The following NAP1L4 variants were observed in gnomAD, a reference collection of about 807,000 sequenced individuals.
NAP1L4 encodes nucleosome assembly protein 1 like 4.
NAP1L4 carries 15 observed loss-of-function variants against 58.2 expected under a neutral mutation model. That is an observed-to-expected ratio of 0.26 (90% CI 0.17 to 0.40). NAP1L4 has a LOEUF of 0.40. Among genes scored for constraint, NAP1L4 ranks in the 10% least tolerant of loss-of-function variants. The pLI is 1.00. For synonymous variants in NAP1L4, 171 were observed against 155.6 expected, an observed-to-expected ratio of 1.10 and a Z score of -0.74; for missense variants, 384 against 451.1, an observed-to-expected ratio of 0.85 and a Z score of 1.35.
At position 2,951,688 on chromosome 11, in the gene NAP1L4, A is replaced by C; in HGVS notation, c.1065+92T>G. On this transcript the variant is annotated intron_variant, in intron 13 of 15. Coordinates refer to ENST00000380542, the MANE Select transcript of NAP1L4 (RefSeq NM_005969.4). This position sits in a 1 kb window ranked among gnomAD's most constrained non-coding sequence, Gnocchi z 4.0. ...GACAGCGTCACAAAAAATGGGTTTA[A>C]CACAGCCCTGTGAGTCCATAACCTT... 7.4e-7 allele frequency: 1 copy of C among 1,359,928 alleles called. No individual in the cohort carries two copies. Among genetic ancestry groups the C allele is most frequent in the Non-Finnish European group, 1.0e-6 (1 of 956,470 alleles). The allele number at this position is 1,359,928 out of a possible 1,614,324, so 84.2% of individuals were successfully genotyped here.
Position 2,945,360 on chromosome 11 carries a change from C to G in NAP1L4, c.*319G>C. ...GGGAAAGGCCCAGGGAAGTCCAGAG[C>G]TACAGGCACCAAGGCTGCAGAGGGT... On this transcript the variant is annotated 3_prime_UTR_variant, in exon 16 of 16. Transcript: ENST00000380542. 2.0e-6 allele frequency: 1 copy of G among 488,350 alleles called. No homozygotes were observed. The highest frequency in any genetic ancestry group is 3.7e-6 in the Non-Finnish European group (1 of 272,740). 30.3% of individuals were successfully genotyped at this position (488,350 alleles called of 1,614,324 possible).
At position 2,948,458 on chromosome 11, in the gene NAP1L4, C is replaced by T. The variant is rs1846052686; in HGVS notation, c.*32+769G>A. ...ACCTCTCTGCTTTCTCCCACTACAT[C>T]CCGAGTGCCACGAGTGAACAGGTCT... On this transcript the variant is annotated intron_variant, in intron 15 of 15. Coordinates refer to ENST00000380542, the MANE Select transcript of NAP1L4 (RefSeq NM_005969.4). The surrounding 1 kb of genome is among the most constrained non-coding windows in gnomAD (Gnocchi z 5.1). Among the ~76,000 whole-genome samples the T allele has an allele frequency of 6.6e-6, 1 of 152,186 alleles. No individual in the cohort carries two copies. The highest frequency in any genetic ancestry group is 2.4e-5 in the African/African-American group (1 of 41,432).
At chr11:2,978,421 T>A in intron 2 of NAP1L4, 79 bp from the exon 3 acceptor site, 1 of 1,330,550 alleles carries the variant, frequency 7.5e-7, no homozygotes, top group South Asian at 1.2e-5. Context: ...TGTTTCTTAT[T>A]CAATATATTA....
intron 8 of NAP1L4, among the ~76,000 whole-genome samples, chr11:2,963,098 C>CAAAAAAAAAAAAAAAAA (rs55650724): frequency 1.6e-4 from 16 of 97,066 alleles, no homozygotes; most frequent in Non-Finnish European, 2.2e-4. Flanking sequence ...GACTCGGTCT[C>CAAAAAAAAAAAAAAAAA]AAAAAAAAAA....
At position 2,949,954 on chromosome 11, in the gene NAP1L4, T is replaced by C. The variant is rs1846135533; in HGVS notation, c.1123-690A>G. ...CAGTCCTTGCTTTACAACTGCAACCTTAAAAGTGTCCATTCAGCGCCCACA... is the reference window on the plus strand; with the variant it reads ...CAGTCCTTGCTTTACAACTGCAACCCTAAAAGTGTCCATTCAGCGCCCACA... On this transcript the variant is annotated intron_variant, in intron 14 of 15. Coordinates refer to ENST00000380542, the MANE Select transcript of NAP1L4 (RefSeq NM_005969.4). This position sits in a 1 kb window ranked among gnomAD's most constrained non-coding sequence, Gnocchi z 4.0. Among the ~76,000 whole-genome samples, 1 of 152,224 alleles carries C rather than the reference T, an allele frequency of 6.6e-6. No homozygotes were observed. Among genetic ancestry groups the C allele is most frequent in the South Asian group, 2.1e-4 (1 of 4,828 alleles).
rs942505365 is a variant in NAP1L4, at chr11:2,951,198, T to G, written c.1122+61A>C. The G allele has an allele frequency of 1.9e-5, 26 of 1,359,234 alleles. 3 individuals carry two copies. The highest frequency in any genetic ancestry group is 1.5e-4 in the Admixed American group (8 of 54,018). 84.2% of individuals were successfully genotyped at this position (1,359,234 alleles called of 1,614,324 possible). ...CACTACTGCCTCAAAGTGGGGAACATTTTTAAAAGTCTAAGAGTGCAGCAT... is the reference window on the plus strand; with the variant it reads ...CACTACTGCCTCAAAGTGGGGAACAGTTTTAAAAGTCTAAGAGTGCAGCAT... On this transcript the variant is annotated intron_variant, in intron 14 of 15. Transcript: ENST00000380542. The surrounding 1 kb of genome is among the most constrained non-coding windows in gnomAD (Gnocchi z 4.0).
chr11:2,990,237 T>C (rs1035206553), intron 1 of NAP1L4: 27 of 152,218 alleles, frequency 1.8e-4, no homozygotes, highest in African/African-American at 6.5e-4. Context: ...ATAACAGCTA[T>C]TTAAGACGGC....
intron 4 of NAP1L4, among the ~76,000 whole-genome samples, chr11:2,974,044 A>T (rs1471739512): frequency 6.6e-6 from 1 of 152,240 alleles, no homozygotes; most frequent in Non-Finnish European, 1.5e-5. Context: ...CTAGGATTAC[A>T]GGTGTGAGCT....
At chr11:2,945,952 G>A (rs1845920434) in intron 15 of NAP1L4, among the ~76,000 whole-genome samples, 1 of 152,136 alleles carries the variant, frequency 6.6e-6, no homozygotes, top group South Asian at 2.1e-4. Flanking sequence ...CCATGAAAGG[G>A]CTGGGAAGCA....
intron 12 of NAP1L4, chr11:2,952,890 C>T (rs969918361): frequency 1.3e-5 from 2 of 152,284 alleles, no homozygotes; most frequent in African/African-American, 4.8e-5. Flanking sequence ...AGGGTTCCCA[C>T]ATTCACCTCC....
At position 2,951,848 on chromosome 11, in the gene NAP1L4, C is replaced by T; in HGVS notation, c.1036-39G>A. The T allele has an allele frequency of 6.2e-7, 1 of 1,603,256 alleles. No homozygotes were observed. The highest frequency in any genetic ancestry group is 2.2e-5 in the East Asian group (1 of 44,848). On this transcript the variant is annotated intron_variant, in intron 12 of 15. Coordinates refer to ENST00000380542, the MANE Select transcript of NAP1L4 (RefSeq NM_005969.4). The surrounding 1 kb of genome is among the most constrained non-coding windows in gnomAD (Gnocchi z 4.0). ...GAAAAACATTTTTAGGTTTACAAAA[C>T]ATGACAGCAGCCTGCCCAAGACACC...
intron 1 of NAP1L4, chr11:2,992,013 G>T (rs1009014304): frequency 1.3e-5 from 2 of 152,138 alleles, no homozygotes; most frequent in Non-Finnish European, 2.9e-5. Flanking sequence ...CGCGCCGGGA[G>T]TTGGGAGGGG....
chr11:2,983,525 G>A (rs907582093), intron 1 of NAP1L4, among the ~76,000 whole-genome samples: 5 of 151,312 alleles, frequency 3.3e-5, no homozygotes, highest in African/African-American at 1.2e-4. Flanking sequence ...CCCGGCATGT[G>A]CTGTTTAATA....
intron 7 of NAP1L4, among the ~76,000 whole-genome samples, chr11:2,966,944 G>C (rs987188166): frequency 1.3e-5 from 2 of 152,178 alleles, no homozygotes; most frequent in Non-Finnish European, 2.9e-5. Context: ...CCCCACACTG[G>C]CAGACGCTCA....
intron 1 of NAP1L4, among the ~76,000 whole-genome samples, chr11:2,981,983 T>G (rs774453402): frequency 1.3e-5 from 2 of 152,218 alleles, no homozygotes; most frequent in African/African-American, 4.8e-5. Context: ...GTTAGTTCCC[T>G]TCTCACATAT....
intron 4 of NAP1L4, among the ~76,000 whole-genome samples, chr11:2,975,321 CA>C (rs1461576800): frequency 6.6e-6 from 1 of 151,976 alleles, no homozygotes; most frequent in Non-Finnish European, 1.5e-5. Context: ...ACTCAAAAAC[CA>C]AAAATTCCTT....
In NAP1L4 at chr11:2,971,540, TA is replaced by T; in HGVS notation, c.316-7del. On this transcript the variant is annotated splice_polypyrimidine_tract_variant and splice_region_variant and intron_variant, in intron 5 of 15. Coordinates refer to ENST00000380542, the MANE Select transcript of NAP1L4 (RefSeq NM_005969.4). The surrounding 1 kb of genome is among the most constrained non-coding windows in gnomAD (Gnocchi z 4.2). ...CCGGTGATAAATTCTCTTCTCTACATAAAAATGAGACCTTATTAGAATTATG... is the reference window on the plus strand; with the variant it reads ...CCGGTGATAAATTCTCTTCTCTACATAAAATGAGACCTTATTAGAATTATG... The T allele has an allele frequency of 6.2e-7, 1 of 1,611,154 alleles. No individual in the cohort carries two copies. The highest frequency in any genetic ancestry group is 1.1e-5 in the South Asian group (1 of 90,980).
chr11:2,963,224 A>G (rs1842964903), intron 8 of NAP1L4, among the ~76,000 whole-genome samples: 1 of 152,170 alleles, frequency 6.6e-6, no homozygotes, highest in South Asian at 2.1e-4. Context: ...AATCACAGGT[A>G]AGAAAGAAGT....
chr11:2,954,431 T>A lies in NAP1L4; in HGVS notation c.1035+96A>T. 1 of 1,557,942 alleles carries A rather than the reference T, an allele frequency of 6.4e-7. No homozygotes were observed. Among genetic ancestry groups the A allele is most frequent in the Non-Finnish European group, 8.8e-7 (1 of 1,131,316 alleles). ...TCTGGCTGATGATGTAATAAAAAGATTAGGCATGGGGGTTTCCTAAGCCAC... is the reference window on the plus strand; with the variant it reads ...TCTGGCTGATGATGTAATAAAAAGAATAGGCATGGGGGTTTCCTAAGCCAC... On this transcript the variant is annotated intron_variant, in intron 12 of 15. Coordinates refer to ENST00000380542, the MANE Select transcript of NAP1L4 (RefSeq NM_005969.4). The surrounding 1 kb of genome is among the most constrained non-coding windows in gnomAD (Gnocchi z 4.8).
Sources: gnomAD v4.1 joint callset for allele counts (sites outside exome capture counted in the v4.1 genomes callset) on GRCh38, gnomAD v4.1.1 for gene constraint, Gnocchi (gnomAD v3.1) non-coding constraint, MANE v1.5 for transcripts, NCBI Gene and HGNC (gene_info 2026-07-23, HGNC 2026-07-21) for gene names.